Variants in PCNX2 observed in about 807,000 individuals in gnomAD.
PCNX2 encodes the protein pecanex-like protein 2.
Under a neutral mutation model 223.8 loss-of-function variants are expected in PCNX2, and 168 were observed. That is an observed-to-expected ratio of 0.75 (90% CI 0.66 to 0.85). The LOEUF (loss-of-function observed/expected upper bound fraction) is 0.85, where lower values mean the gene tolerates loss of function less well. Among genes scored for constraint, PCNX2 ranks in the 40% least tolerant of loss-of-function variants. The pLI, the probability that PCNX2 is intolerant of heterozygous loss-of-function variation, is 0.00. For missense variants in PCNX2, 2,507 were observed against 2,675.5 expected (o/e 0.94, Z 1.39); for synonymous variants, 1,006 against 1,052.6 (o/e 0.96, Z 0.86).
At chr1:233,100,948 A>G (rs1674453941) in intron 21 of PCNX2, among the ~76,000 whole-genome samples, 1 of 152,244 alleles carries the variant, frequency 6.6e-6, no homozygotes, top group African/African-American at 2.4e-5. Context: ...ATTTGGAATT[A>G]CCAATATTTG....
At chr1:233,111,977 C>A (rs1558242204) in intron 21 of PCNX2, among the ~76,000 whole-genome samples, 2 of 152,194 alleles carry the variant, frequency 1.3e-5, no homozygotes, top group African/African-American at 4.8e-5. Flanking sequence ...CATGTCACAT[C>A]TTTGCAATTG....
intron 13 of PCNX2, among the ~76,000 whole-genome samples, chr1:233,207,782 T>C (rs1198906610): frequency 1.3e-5 from 2 of 151,996 alleles, no homozygotes; most frequent in Non-Finnish European, 2.9e-5. Flanking sequence ...AAACAGAGCG[T>C]TTTATATAAA....
chr1:233,017,253 A>G (rs536803175), intron 26 of PCNX2, 99 bp from the exon 27 acceptor site: 1 of 849,062 alleles, frequency 1.2e-6, no homozygotes, highest in South Asian at 1.8e-5. Flanking sequence ...TACATGTGGT[A>G]TCATTTGTAT....
At chr1:233,142,326 G>A (rs1677178493) in intron 19 of PCNX2, among the ~76,000 whole-genome samples, 1 of 152,100 alleles carries the variant, frequency 6.6e-6, no homozygotes. Flanking sequence ...AACTGTCTTT[G>A]ACCTCCACTT....
At chr1:233,076,281 T>C (rs899976223) in intron 23 of PCNX2, among the ~76,000 whole-genome samples, 1 of 152,228 alleles carries the variant, frequency 6.6e-6, no homozygotes, top group Non-Finnish European at 1.5e-5. Context: ...ATTTCATTCA[T>C]AAGTTACCTG....
intron 25 of PCNX2, among the ~76,000 whole-genome samples, chr1:233,031,313 C>T (rs569265783): frequency 3.9e-5 from 6 of 152,308 alleles, no homozygotes; most frequent in South Asian, 4.1e-4. Flanking sequence ...ACTCCCACCC[C>T]TATTCATTAT....
intron 20 of PCNX2, among the ~76,000 whole-genome samples, chr1:233,138,025 G>A (rs915770824): frequency 6.6e-6 from 1 of 152,168 alleles, no homozygotes; most frequent in Non-Finnish European, 1.5e-5. Flanking sequence ...CCAATATAGA[G>A]TTTCCTGCTA....
chr1:233,208,508 A>G lies in PCNX2; in HGVS notation c.2863+10T>C. 1.2e-6 allele frequency: 2 copies of G among 1,609,396 alleles called. No homozygotes were observed. Among genetic ancestry groups the G allele is most frequent in the Admixed American group, 3.3e-5 (2 of 59,806 alleles). On this transcript the variant is annotated intron_variant, in intron 13 of 33. Transcript: ENST00000258229. ...CCATATTCTTCCCCACAACCCCATA[A>G]TTAACTCACCTATTAAGTAGTCCCT...
At chr1:233,198,462 G>A (rs1680863624) in intron 15 of PCNX2, among the ~76,000 whole-genome samples, 1 of 152,190 alleles carries the variant, frequency 6.6e-6, no homozygotes, top group South Asian at 2.1e-4. Context: ...TTCCCTTGCT[G>A]CCAGGTTAGG....
intron 10 of PCNX2, among the ~76,000 whole-genome samples, chr1:233,226,568 C>A (rs1007514002): frequency 6.6e-6 from 1 of 152,178 alleles, no homozygotes; most frequent in Non-Finnish European, 1.5e-5. Context: ...CCATGCCCAG[C>A]CTCCATCATG....
chr1:233,009,286 AAC>A (rs769310978), intron 28 of PCNX2, among the ~76,000 whole-genome samples: 3 of 152,152 alleles, frequency 2.0e-5, no homozygotes, highest in Non-Finnish European at 4.4e-5. Flanking sequence ...TTCACCCCTG[AAC>A]TAGTATATTT....
At position 233,107,214 on chromosome 1, in the gene PCNX2, A is replaced by C. The variant is rs72763997; in HGVS notation, c.3838-11351T>G. Among the ~76,000 whole-genome samples the C allele has an allele frequency of 6.3e-3, 954 of 150,324 alleles. 13 individuals are homozygous for C. Among genetic ancestry groups the C allele is most frequent in the African/African-American group, 0.021 (864 of 40,766 alleles). ...ACACACACACACACACACACACACA[A>C]AACCATGCACAGCCTTTTTATGTAA... On this transcript the variant is annotated intron_variant, in intron 21 of 33. Transcript: ENST00000258229.
In PCNX2 at chr1:233,139,693, G is replaced by T; in HGVS notation, c.3659+21C>A. ...AAAATGTGACCCAAATCATTATGAAGATAAACCATTAACCACTTACTGGGT... is the reference window on the plus strand; with the variant it reads ...AAAATGTGACCCAAATCATTATGAATATAAACCATTAACCACTTACTGGGT... On this transcript the variant is annotated intron_variant, in intron 20 of 33. Transcript: ENST00000258229. The surrounding 1 kb of genome is among the most constrained non-coding windows in gnomAD (Gnocchi z 4.4). The T allele has an allele frequency of 6.4e-7, 1 of 1,574,176 alleles. No homozygotes were observed. Among genetic ancestry groups the T allele is most frequent in the Non-Finnish European group, 8.6e-7 (1 of 1,159,496 alleles).
At chr1:233,184,465 G>A (rs574703819) in intron 15 of PCNX2, among the ~76,000 whole-genome samples, 1 of 152,068 alleles carries the variant, frequency 6.6e-6, no homozygotes, top group South Asian at 2.1e-4. Context: ...TACCCATGAT[G>A]GATGGTCTTT....
At chr1:233,171,477 A>G (rs1679148136) in intron 17 of PCNX2, among the ~76,000 whole-genome samples, 1 of 152,116 alleles carries the variant, frequency 6.6e-6, no homozygotes, top group African/African-American at 2.4e-5. Context: ...CTTGGTAGTT[A>G]CTTTCTTTAC....
At chr1:233,245,079 T>C (rs1286028276) in intron 8 of PCNX2, among the ~76,000 whole-genome samples, 1 of 152,240 alleles carries the variant, frequency 6.6e-6, no homozygotes, top group Non-Finnish European at 1.5e-5. Context: ...AGGGCCCTAC[T>C]CCACCCCTCC....
chr1:233,250,166 G>C (rs1659368644), intron 8 of PCNX2, among the ~76,000 whole-genome samples: 1 of 152,182 alleles, frequency 6.6e-6, no homozygotes, highest in African/African-American at 2.4e-5. Flanking sequence ...CAGGATGAAG[G>C]ATGAATTCCG....
chr1:233,273,921 C>A (rs950931762), intron 1 of PCNX2, among the ~76,000 whole-genome samples: 18 of 152,120 alleles, frequency 1.2e-4, no homozygotes, highest in Admixed American at 2.0e-4. Context: ...TCGTGCCTGA[C>A]CTCTTTTGGC....
chr1:233,295,249 G>A lies in PCNX2; in HGVS notation c.153+77C>T, dbSNP rs1379943054. The A allele has an allele frequency of 1.3e-6, 2 of 1,541,166 alleles. No homozygotes were observed. The highest frequency in any genetic ancestry group is 1.8e-6 in the Non-Finnish European group (2 of 1,138,380). ...TACGAACCCGAAAGCCCGTGAGGCTGATGGCACGTCTGTGGTTCCTTTCTC... is the reference window on the plus strand; with the variant it reads ...TACGAACCCGAAAGCCCGTGAGGCTAATGGCACGTCTGTGGTTCCTTTCTC... On this transcript the variant is annotated intron_variant, in intron 1 of 33. Transcript: ENST00000258229. The surrounding 1 kb of genome is among the most constrained non-coding windows in gnomAD (Gnocchi z 4.1).
Sources: allele counts gnomAD v4.1 joint callset (sites outside exome capture counted in the v4.1 genomes callset), GRCh38; gene constraint gnomAD v4.1.1; non-coding constraint Gnocchi (gnomAD v3.1); transcripts MANE v1.5; gene names NCBI Gene and HGNC (gene_info 2026-07-23, HGNC 2026-07-21).